The following PPP3CB variants were observed in gnomAD, a reference collection of about 807,000 sequenced individuals.
The protein encoded by PPP3CB is serine/threonine-protein phosphatase 2B catalytic subunit beta isoform.
A neutral mutation model predicts 66.4 loss-of-function variants in PPP3CB; 8 were observed. That is an observed-to-expected ratio of 0.12 (90% CI 0.07 to 0.22). The LOEUF (loss-of-function observed/expected upper bound fraction) is 0.22, where lower values mean the gene tolerates loss of function less well. Among genes scored for constraint, PPP3CB ranks in the 10% least tolerant of loss-of-function variants. PPP3CB has a pLI of 1.00. For synonymous variants in PPP3CB, 208 were observed against 221.2 expected (o/e 0.94, Z 0.53); for missense variants, 319 against 642.5 (o/e 0.50, Z 5.44).
chr10:73,465,716 G>A (rs533701704), intron 9 of PPP3CB, among the ~76,000 whole-genome samples: 8 of 152,258 alleles, frequency 5.3e-5, no homozygotes, highest in South Asian at 2.1e-4. Context: ...TGGCTTCTTC[G>A]AAGTAAAACA....
chr10:73,458,550 C>G (rs1160336031), intron 9 of PPP3CB, among the ~76,000 whole-genome samples: 1 of 151,970 alleles, frequency 6.6e-6, no homozygotes, highest in Non-Finnish European at 1.5e-5. Context: ...GCCTGTCACC[C>G]TAGCACCCTG....
intron 12 of PPP3CB, among the ~76,000 whole-genome samples, chr10:73,443,026 T>A (rs537259821): frequency 1.3e-5 from 2 of 149,878 alleles, no homozygotes; most frequent in African/African-American, 2.4e-5. Context: ...TATAAAAAAA[T>A]AAAAAATAAA....
At chr10:73,472,134 T>G (rs190344982) in intron 4 of PPP3CB, among the ~76,000 whole-genome samples, 78 of 152,328 alleles carry the variant, frequency 5.1e-4, no homozygotes, top group African/African-American at 1.8e-3. Flanking sequence ...AGCAAAATAT[T>G]TGCTCTCTAA....
chr10:73,477,491 T>G (rs1308275666), intron 3 of PPP3CB, among the ~76,000 whole-genome samples: 3 of 152,180 alleles, frequency 2.0e-5, no homozygotes, highest in South Asian at 2.1e-4. Flanking sequence ...GGAAGGATAT[T>G]TGGTGTAGGC....
At chr10:73,448,449 G>A (rs750359764) in intron 10 of PPP3CB, among the ~76,000 whole-genome samples, 1 of 152,118 alleles carries the variant, frequency 6.6e-6, no homozygotes, top group Non-Finnish European at 1.5e-5. Flanking sequence ...GAATGAAAAG[G>A]AGGGAAAATA....
At chr10:73,484,012 C>T (rs1053420569) in intron 1 of PPP3CB, among the ~76,000 whole-genome samples, 4 of 151,790 alleles carry the variant, frequency 2.6e-5, no homozygotes, top group African/African-American at 9.7e-5. Flanking sequence ...GGTGTGGTGT[C>T]GCGCCTGTAG....
intron 9 of PPP3CB, among the ~76,000 whole-genome samples, chr10:73,463,931 G>A (rs1054530409): frequency 1.3e-5 from 2 of 150,254 alleles, no homozygotes; most frequent in South Asian, 2.1e-4. Flanking sequence ...CACTGCGCCC[G>A]GCCTCTCCTC....
chr10:73,439,920 A>G lies in PPP3CB; in HGVS notation c.1367-19T>C. ...ACTGTGGCTGTACAGAAGTGAGCAG[A>G]GGCATGCAAAATGAATGAGAGAGAT... On this transcript the variant is annotated intron_variant, in intron 12 of 13. Coordinates refer to ENST00000360663, the MANE Select transcript of PPP3CB (RefSeq NM_021132.4). The G allele has an allele frequency of 6.2e-7, 1 of 1,611,166 alleles. No homozygotes were observed. The highest frequency in any genetic ancestry group is 1.1e-5 in the South Asian group (1 of 90,992).
chr10:73,468,516 G>A (rs2056654275), intron 8 of PPP3CB, among the ~76,000 whole-genome samples: 1 of 152,102 alleles, frequency 6.6e-6, no homozygotes, highest in Admixed American at 6.5e-5. Flanking sequence ...TATAAAACAG[G>A]ACTAATATGT....
intron 1 of PPP3CB, among the ~76,000 whole-genome samples, chr10:73,490,066 C>A (rs1380241707): frequency 6.6e-6 from 1 of 152,212 alleles, no homozygotes; most frequent in African/African-American, 2.4e-5. Context: ...ATCTATCTTA[C>A]TTAATATCCT....
chr10:73,438,527 G>A, intron 13 of PPP3CB, 107 bp from the exon 14 acceptor site: 1 of 950,490 alleles, frequency 1.1e-6, no homozygotes, highest in Non-Finnish European at 1.6e-6. Context: ...GCTGTAAGTA[G>A]CAACACATAA....
intron 1 of PPP3CB, among the ~76,000 whole-genome samples, chr10:73,480,201 A>T (rs757299033): frequency 1.3e-5 from 2 of 152,178 alleles, no homozygotes; most frequent in Non-Finnish European, 2.9e-5. Flanking sequence ...TAAAATAATA[A>T]ATCATAATTT....
intron 9 of PPP3CB, among the ~76,000 whole-genome samples, chr10:73,454,780 A>ATGTATACATT (rs2056398126): frequency 6.6e-6 from 1 of 152,092 alleles, no homozygotes; most frequent in Non-Finnish European, 1.5e-5. Flanking sequence ...TAACAACTGA[A>ATGTATACATT]TGTATACATT....
Position 73,438,271 on chromosome 10 carries a change from G to A in PPP3CB, c.1546C>T (p.His516Tyr). 5 of 1,614,062 alleles carry A rather than the reference G, an allele frequency of 3.1e-6. No individual in the cohort carries two copies. The highest frequency in any genetic ancestry group is 4.2e-6 in the Non-Finnish European group (5 of 1,179,998). ...TGGGCAGTATGGTTGCCCGTCCCGTGGTTCTCAGTGGCATGTGCGGTGTTC... is the reference window on the plus strand; with the variant it reads ...TGGGCAGTATGGTTGCCCGTCCCGTAGTTCTCAGTGGCATGTGCGGTGTTC... ...SLNTAHATENHGTGNHTAQ is the reference protein window; with the variant it reads ...SLNTAHATENYGTGNHTAQ Residue 516 changes from histidine (H) to tyrosine (Y), a missense_variant, in exon 14 of 14, where the codon CAC becomes TAC. Coordinates refer to ENST00000360663, the MANE Select transcript of PPP3CB (RefSeq NM_021132.4).
At chr10:73,452,956 G>C (rs1478194511) in intron 10 of PPP3CB, among the ~76,000 whole-genome samples, 1 of 152,076 alleles carries the variant, frequency 6.6e-6, no homozygotes, top group Non-Finnish European at 1.5e-5. Flanking sequence ...TTCTAAATAG[G>C]CTTCATTCAG....
chr10:73,443,994 G>C (rs563112791), intron 12 of PPP3CB: 1 of 152,292 alleles, frequency 6.6e-6, no homozygotes, highest in Admixed American at 6.5e-5. Flanking sequence ...CTTCTACATT[G>C]CAAGACAGAC....
chr10:73,482,435 C>A (rs1331607789), intron 1 of PPP3CB, among the ~76,000 whole-genome samples: 1 of 144,760 alleles, frequency 6.9e-6, no homozygotes, highest in African/African-American at 2.5e-5. Context: ...CCTAGCTACT[C>A]GGGAGGCTGA....
At chr10:73,484,690 G>A (rs889135864) in intron 1 of PPP3CB, among the ~76,000 whole-genome samples, 6 of 151,902 alleles carry the variant, frequency 3.9e-5, no homozygotes, top group African/African-American at 1.5e-4. Flanking sequence ...GAAAACAAAT[G>A]TATATAAATG....
chr10:73,451,913 T>C (rs375010443), intron 10 of PPP3CB, among the ~76,000 whole-genome samples: 15 of 151,996 alleles, frequency 9.9e-5, no homozygotes, highest in African/African-American at 3.4e-4. Context: ...GACCGGCTAA[T>C]TTTTTGTATT....
Sources: allele counts gnomAD v4.1 joint callset (sites outside exome capture counted in the v4.1 genomes callset), GRCh38; gene constraint gnomAD v4.1.1; transcripts MANE v1.5; gene names NCBI Gene and HGNC (gene_info 2026-07-23, HGNC 2026-07-21).